The following TRIM62 variants were observed in gnomAD, a reference collection of about 807,000 sequenced individuals.
TRIM62 encodes the protein E3 ubiquitin-protein ligase TRIM62.
Under a neutral mutation model 44.2 loss-of-function variants are expected in TRIM62, and 39 were observed. The ratio of observed to expected loss-of-function variants is 0.88; its 90% CI spans 0.68 to 1.15. TRIM62 has a LOEUF of 1.15. Among genes scored for constraint, TRIM62 ranks in the 50% most tolerant of loss-of-function variants. The pLI, the probability that TRIM62 is intolerant of heterozygous loss-of-function variation, is 0.00. For synonymous variants in TRIM62, 278 were observed against 292.3 expected, an observed-to-expected ratio of 0.95 and a Z score of 0.50; for missense variants, 544 against 665.5, an observed-to-expected ratio of 0.82 and a Z score of 2.01.
chr1:33,150,727 C>T (rs906122319), intron 4 of TRIM62, among the ~76,000 whole-genome samples: 3 of 151,902 alleles, frequency 2.0e-5, no homozygotes, highest in Admixed American at 6.6e-5. Context: ...ACAGTGGGGT[C>T]GGGAGGTGGG....
chr1:33,175,592 T>C (rs1411032541), intron 1 of TRIM62, among the ~76,000 whole-genome samples: 2 of 152,158 alleles, frequency 1.3e-5, no homozygotes, highest in Admixed American at 6.5e-5. Flanking sequence ...CCTGGGACAG[T>C]TGGCGTGTTG....
intron 2 of TRIM62, among the ~76,000 whole-genome samples, chr1:33,162,071 A>G (rs930322698): frequency 1.3e-5 from 2 of 151,978 alleles, no homozygotes; most frequent in Non-Finnish European, 2.9e-5. Flanking sequence ...GGTCTTTCCA[A>G]CTCACTTGGT....
At chr1:33,173,700 T>A (rs1286441247) in intron 1 of TRIM62, among the ~76,000 whole-genome samples, 1 of 150,274 alleles carries the variant, frequency 6.7e-6, no homozygotes, top group Non-Finnish European at 1.5e-5. Context: ...TTTCCCTAAT[T>A]AAAAAAAATT....
At chr1:33,180,778 T>C (rs1284633986) in intron 1 of TRIM62, among the ~76,000 whole-genome samples, 1 of 151,818 alleles carries the variant, frequency 6.6e-6, no homozygotes, top group Non-Finnish European at 1.5e-5. Flanking sequence ...CAGCCGGTAC[T>C]CCAGGTCTGT....
intron 1 of TRIM62, among the ~76,000 whole-genome samples, chr1:33,179,447 A>G (rs968889059): frequency 3.0e-4 from 46 of 152,190 alleles, no homozygotes; most frequent in African/African-American, 1.1e-3. Flanking sequence ...AGCCCCTACA[A>G]TACAGGGGAA....
chr1:33,151,975 C>T (rs2927964), intron 4 of TRIM62, among the ~76,000 whole-genome samples: 2 of 152,254 alleles, frequency 1.3e-5, no homozygotes, highest in African/African-American at 2.4e-5. Flanking sequence ...TGGCTGTAAG[C>T]GTTTTCCTCT....
At chr1:33,170,318 CT>C (rs1450850753) in intron 1 of TRIM62, among the ~76,000 whole-genome samples, 5 of 8,172 alleles carry the variant, frequency 6.1e-4, no homozygotes, top group Admixed American at 3.9e-3. Flanking sequence ...AGCCCAGTCT[CT>C]TTAAAAAAAA....
intron 1 of TRIM62, among the ~76,000 whole-genome samples, chr1:33,166,783 A>G (rs1366113107): frequency 5.9e-5 from 9 of 152,206 alleles, no homozygotes; most frequent in Admixed American, 3.3e-4. Flanking sequence ...AAATAAAAAC[A>G]CAATCAGCCT....
Position 33,146,519 on chromosome 1 carries a change from C to A in TRIM62, c.*658G>T, listed in dbSNP as rs963388805. The A allele has an allele frequency of 6.3e-6, 1 of 157,992 alleles. No homozygotes were observed. The highest frequency in any genetic ancestry group is 1.4e-5 in the Non-Finnish European group (1 of 71,400). 9.8% of individuals were successfully genotyped at this position (157,992 alleles called of 1,614,324 possible). ...CTCACCCTGTCCCTCGGCCTGTGGG[C>A]AGGAAGGTGGTGGCACATGACTATA... On this transcript the variant is annotated 3_prime_UTR_variant, in exon 5 of 5. Coordinates refer to ENST00000291416, the MANE Select transcript of TRIM62 (RefSeq NM_018207.3).
At position 33,161,578 on chromosome 1, in the gene TRIM62, C is replaced by T. The variant is rs995036815; in HGVS notation, c.505-1634G>A. 6.6e-6 allele frequency among the ~76,000 whole-genome samples: 1 copy of T among 152,076 alleles called. No homozygotes were observed. Among genetic ancestry groups the T allele is most frequent in the South Asian group, 2.1e-4 (1 of 4,824 alleles). ...TCGCTGCGCATGCCCACCCAGAACG[C>T]CAGGCAGACAAAGGGGGGCGGACGA... On this transcript the variant is annotated intron_variant, in intron 2 of 4. Transcript: ENST00000291416. This position sits in a 1 kb window ranked among gnomAD's most constrained non-coding sequence, Gnocchi z 4.3.
rs1328806212 is a variant in TRIM62 at position 33,181,334 on chromosome 1, G to T, written c.99C>A (p.Arg33=). ...GCCGCACCCAGTGCTCCGTGATGCA[G>T]CGGCGGCAGAAGTAATGCTCGCAGC... ...SLGCEHYFCR[R]CITEHWVRQE... Residue 33 remains arginine, a synonymous_variant, in exon 1 of 5, where the codon CGC becomes CGA. Coordinates refer to ENST00000291416, the MANE Select transcript of TRIM62 (RefSeq NM_018207.3). This position sits in a 1 kb window ranked among gnomAD's most constrained non-coding sequence, Gnocchi z 6.5. The T allele has an allele frequency of 6.3e-7, 1 of 1,579,724 alleles. No homozygotes were observed. Among genetic ancestry groups the T allele is most frequent in the Non-Finnish European group, 8.6e-7 (1 of 1,166,910 alleles).
intron 1 of TRIM62, chr1:33,176,370 G>A: frequency 1.5e-6 from 1 of 671,972 alleles, no homozygotes; most frequent in Non-Finnish European, 2.8e-6. Context: ...TCCTTGGGTG[G>A]CTGCCTTGGT....
intron 2 of TRIM62, among the ~76,000 whole-genome samples, chr1:33,160,967 G>A (rs1223738579): frequency 6.6e-6 from 1 of 152,224 alleles, no homozygotes; most frequent in Non-Finnish European, 1.5e-5. Flanking sequence ...GAAGGGTGAA[G>A]TAGTGAAGGG....
At chr1:33,175,031 T>TTATGTATATGTATA (rs1645406897) in intron 1 of TRIM62, among the ~76,000 whole-genome samples, 1 of 147,102 alleles carries the variant, frequency 6.8e-6, no homozygotes. Context: ...ATGTATATGT[T>TTATGTATATGTATA]TATGTATATG....
At chr1:33,162,673 C>T (rs925101379) in intron 2 of TRIM62, among the ~76,000 whole-genome samples, 4 of 151,988 alleles carry the variant, frequency 2.6e-5, no homozygotes, top group Admixed American at 6.5e-5. Context: ...GTCTCAAGGA[C>T]GAGAGAGGAT....
rs1645336154 is a variant in TRIM62 at position 33,167,156 on chromosome 1, A to T, written c.409-1590T>A. 1.3e-5 allele frequency among the ~76,000 whole-genome samples: 2 copies of T among 152,092 alleles called. No homozygotes were observed. The highest frequency in any genetic ancestry group is 4.8e-5 in the African/African-American group (2 of 41,406). On this transcript the variant is annotated intron_variant, in intron 1 of 4. Transcript: ENST00000291416. The surrounding 1 kb of genome is among the most constrained non-coding windows in gnomAD (Gnocchi z 4.2). ...CCTTTGTACCATTAATTTAACTCAG[A>T]TGCCACCTCCTTGAAGAGTCTTGCC...
chr1:33,177,337 T>A lies in TRIM62; in HGVS notation c.408+3688A>T, dbSNP rs1201459085. 6.6e-6 allele frequency among the ~76,000 whole-genome samples: 1 copy of A among 152,208 alleles called. No individual in the cohort carries two copies. The highest frequency in any genetic ancestry group is 2.4e-5 in the African/African-American group (1 of 41,446). ...TATGCCAGGCACAGTACTAGGCACT[T>A]CTGATAAAGGATCCCTAACCCTTAC... On this transcript the variant is annotated intron_variant, in intron 1 of 4. Transcript: ENST00000291416. The surrounding 1 kb of genome is among the most constrained non-coding windows in gnomAD (Gnocchi z 4.1).
chr1:33,180,620 C>T (rs1029680007), intron 1 of TRIM62, among the ~76,000 whole-genome samples: 4 of 152,226 alleles, frequency 2.6e-5, no homozygotes, highest in Admixed American at 6.5e-5. Flanking sequence ...CTCGCGACCT[C>T]GCCCTCAGTC....
Position 33,181,555 on chromosome 1 carries a change from A to G in TRIM62, c.-123T>C. On this transcript the variant is annotated 5_prime_UTR_variant, in exon 1 of 5. Transcript: ENST00000291416. This position sits in a 1 kb window ranked among gnomAD's most constrained non-coding sequence, Gnocchi z 6.5. ...CGAGGCCCGCACAGGCAGGGGTAGG[A>G]GCTACCGGAGAAGGGAGGGGGTGCT... is the stretch of plus-strand genomic sequence containing the variant. The G allele has an allele frequency of 1.4e-6, 2 of 1,417,352 alleles. No homozygotes were observed. The highest frequency in any genetic ancestry group is 3.0e-5 in the South Asian group (2 of 66,414). 87.8% of individuals were successfully genotyped at this position (1,417,352 alleles called of 1,614,324 possible).
Sources: allele counts gnomAD v4.1 joint callset (sites outside exome capture counted in the v4.1 genomes callset), GRCh38; gene constraint gnomAD v4.1.1; non-coding constraint Gnocchi (gnomAD v3.1); transcripts MANE v1.5; gene names NCBI Gene and HGNC (gene_info 2026-07-23, HGNC 2026-07-21).